Variants in TRIM14 observed in about 807,000 individuals in gnomAD.
TRIM14 encodes the protein tripartite motif containing 14.
In TRIM14, 28 loss-of-function variants were observed where a neutral mutation model predicts 44.5. The ratio of observed to expected loss-of-function variants is 0.63; its 90% CI spans 0.47 to 0.86. The LOEUF is 0.86. TRIM14 is among the 40% of genes least tolerant of loss of function. The probability of loss-of-function intolerance (pLI) is 0.00; values close to 1 mark genes in which losing one functional copy is unlikely to be tolerated. For synonymous variants in TRIM14, 299 were observed against 269.2 expected (o/e 1.11, Z -1.08); for missense variants, 607 against 611.1 (o/e 0.99, Z 0.07).
At chr9:98,057,285 T>C in the TRIM14 span, among the ~76,000 whole-genome samples, 3 of 152,162 alleles carry the variant, frequency 2.0e-5, no homozygotes, top group Non-Finnish European at 4.4e-5. Context: ...CCCTTTAACA[T>C]AGCCTTCAAG....
chr9:98,045,762 G>A, the TRIM14 span, among the ~76,000 whole-genome samples: 1 of 152,170 alleles, frequency 6.6e-6, no homozygotes, highest in Admixed American at 6.5e-5. Flanking sequence ...ATGACCCCCA[G>A]GGGTGCTGAG....
downstream of TRIM14, chr9:98,081,124 G>A (rs755902828): frequency 6.2e-7 from 1 of 1,607,734 alleles, no homozygotes; most frequent in Middle Eastern, 1.7e-4. Flanking sequence ...TGCCGTGTGT[G>A]GAAAAAGGAT....
At chr9:98,111,058 C>A (rs76372054) in intron 1 of TRIM14, among the ~76,000 whole-genome samples, 20,517 of 140,282 alleles carry the variant, frequency 0.15, 1,521 homozygotes, top group East Asian at 0.24. Context: ...TCCCCCCCCC[C>A]AAAAAAAAAC....
At chr9:98,050,798 A>G in the TRIM14 span, among the ~76,000 whole-genome samples, 1 of 151,878 alleles carries the variant, frequency 6.6e-6, no homozygotes, top group Non-Finnish European at 1.5e-5. Flanking sequence ...TTTTTGAAAC[A>G]GAGTCTACTC....
chr9:98,039,213 T>A, the TRIM14 span, among the ~76,000 whole-genome samples: 1 of 152,226 alleles, frequency 6.6e-6, no homozygotes, highest in South Asian at 2.1e-4. Flanking sequence ...TGCAGTAGCA[T>A]GTCACGGCTC....
In TRIM14 at chr9:98,095,227, C is replaced by A. The variant is rs531181973; in HGVS notation, c.538-198G>T. On this transcript the variant is annotated intron_variant, in intron 3 of 5. Transcript: ENST00000341469. This position sits in a 1 kb window ranked among gnomAD's most constrained non-coding sequence, Gnocchi z 4.1. Reference sequence around the variant, plus strand: ...CGGCATCCCTGAGGTGGGAGCCATGCGGAGGTGCGGTTTTTCAGTGCTGGC... The same window carrying A: ...CGGCATCCCTGAGGTGGGAGCCATGAGGAGGTGCGGTTTTTCAGTGCTGGC... Among the ~76,000 whole-genome samples the A allele has an allele frequency of 5.3e-5, 8 of 152,232 alleles. No individual in the cohort carries two copies. Among genetic ancestry groups the A allele is most frequent in the Non-Finnish European group, 1.0e-4 (7 of 68,034 alleles).
rs769819667 is a variant in TRIM14 at position 98,100,005 on chromosome 9, G to T, written c.463C>A (p.Leu155Ile). The T allele has an allele frequency of 6.2e-7, 1 of 1,614,204 alleles. No homozygotes were observed. The highest frequency in any genetic ancestry group is 2.2e-5 in the East Asian group (1 of 44,886). ...REQADSCREQ[L>I]DIMNDLSNRV... is the part of the protein sequence containing the mutation. ...TTGGAGAGATCATTCATGATGTCAA[G>T]TTGCTCTCTGCAAGAGTCAGCTTGT... Residue 155 changes from leucine to isoleucine, a missense_variant, in exon 3 of 6, where the codon CTT becomes ATT. Physicochemically the swap from Leu to Ile is conservative, Grantham distance 5 (BLOSUM62 2). Transcript: ENST00000341469.
At chr9:98,055,832 G>A in the TRIM14 span, among the ~76,000 whole-genome samples, 1 of 152,028 alleles carries the variant, frequency 6.6e-6, no homozygotes, top group Non-Finnish European at 1.5e-5. Flanking sequence ...CCACCTCCCG[G>A]GTTCAAGCGA....
intron 2 of TRIM14, among the ~76,000 whole-genome samples, chr9:98,103,958 C>T (rs1322447081): frequency 2.0e-5 from 3 of 152,168 alleles, no homozygotes; most frequent in South Asian, 2.1e-4. Flanking sequence ...GGCAGGCTCC[C>T]GTGATACCGT....
the TRIM14 span, chr9:98,061,068 C>T: frequency 5.6e-5 from 81 of 1,444,626 alleles, no homozygotes; most frequent in South Asian, 8.1e-5. Context: ...TGGTGACTTC[C>T]GGCTTAGGGC....
chr9:98,090,685 T>A (rs1416764009), intron 5 of TRIM14, among the ~76,000 whole-genome samples: 1 of 151,568 alleles, frequency 6.6e-6, no homozygotes, highest in Non-Finnish European at 1.5e-5. Context: ...TGCCTCAGTC[T>A]CCTGAGCAGC....
At position 98,087,543 on chromosome 9, in the gene TRIM14, G is replaced by A. The variant is rs1282930816; in HGVS notation, c.1256C>T (p.Ala419Val). Reference sequence around the variant, plus strand: ...CGGGTAGAGCGGCTCCTGGAACGTGGCGCGGAAGGTATGCAGGTGGCTCAT... The same window carrying A: ...CGGGTAGAGCGGCTCCTGGAACGTGACGCGGAAGGTATGCAGGTGGCTCAT... The part of the protein sequence containing the change: ...GGMSHLHTFR[A>V]TFQEPLYPAL... Residue 419 changes from alanine to valine, a missense_variant, in exon 6 of 6, where the codon GCC becomes GTC. Ala to Val is a moderately conservative substitution (Grantham distance 64). This residue lies in a region of TRIM14 where 356 missense variants were observed against 323.0 expected (regional missense o/e 1.10). Coordinates refer to ENST00000341469, the MANE Select transcript of TRIM14 (RefSeq NM_014788.4). The A allele has an allele frequency of 1.3e-6, 2 of 1,595,594 alleles. No homozygotes were observed. The highest frequency in any genetic ancestry group is 1.7e-6 in the Non-Finnish European group (2 of 1,172,974).
intron 1 of TRIM14, 28 bp downstream of exon 1, chr9:98,118,954 C>T: frequency 6.7e-7 from 1 of 1,485,684 alleles, no homozygotes; most frequent in South Asian, 1.3e-5. Context: ...AACTCCCGCG[C>T]GGCGAACCCC....
At chr9:98,072,409 G>C (rs1829379509) in intron 6 of TRIM14, among the ~76,000 whole-genome samples, 1 of 151,060 alleles carries the variant, frequency 6.6e-6, no homozygotes. Flanking sequence ...GTGAGGGAAA[G>C]TGCATTTTTT....
the TRIM14 span, among the ~76,000 whole-genome samples, chr9:98,042,377 C>A: frequency 3.3e-5 from 5 of 150,504 alleles, no homozygotes; most frequent in Admixed American, 2.6e-4. Flanking sequence ...AATCTTAGAT[C>A]TCAAATTATA....
At chr9:98,118,951 G>A (rs1265112757) in intron 1 of TRIM14, 31 bp downstream of exon 1, 7 of 1,477,706 alleles carry the variant, frequency 4.7e-6, no homozygotes, top group Non-Finnish European at 6.2e-6. Flanking sequence ...CCCAACTCCC[G>A]CGCGGCGAAC....
intron 3 of TRIM14, among the ~76,000 whole-genome samples, chr9:98,098,599 C>A (rs1002861284): frequency 2.9e-4 from 44 of 152,130 alleles, no homozygotes; most frequent in Admixed American, 9.8e-4. Flanking sequence ...GTAGTCCCAG[C>A]TACTCGGGAG....
At chr9:98,042,154 G>A in the TRIM14 span, among the ~76,000 whole-genome samples, 20 of 151,638 alleles carry the variant, frequency 1.3e-4, no homozygotes, top group Admixed American at 1.1e-3. Context: ...TTAGCCGGGC[G>A]TGGTGGCAGG....
intron 2 of TRIM14, among the ~76,000 whole-genome samples, chr9:98,105,273 T>C (rs1826563198): frequency 6.6e-6 from 1 of 152,226 alleles, no homozygotes; most frequent in South Asian, 2.1e-4. Context: ...GCTGGGCCCT[T>C]GTGTCTCAGG....
Sources: gnomAD v4.1 joint callset for allele counts (sites outside exome capture counted in the v4.1 genomes callset) on GRCh38, gnomAD v4.1.1 for gene constraint, gnomAD v4.1.1 regional missense constraint, Gnocchi (gnomAD v3.1) non-coding constraint, MANE v1.5 for transcripts, NCBI Gene and HGNC (gene_info 2026-07-23, HGNC 2026-07-21) for gene names.